Variants in DCBLD2 observed in about 807,000 individuals in gnomAD.
DCBLD2 encodes the protein discoidin, CUB and LCCL domain containing 2.
Under a neutral mutation model 86.8 loss-of-function variants are expected in DCBLD2, and 54 were observed. That is an observed-to-expected ratio of 0.62 (90% CI 0.50 to 0.78). The LOEUF (loss-of-function observed/expected upper bound fraction) is 0.78. Among genes scored for constraint, DCBLD2 ranks in the 30% least tolerant of loss-of-function variants. The pLI, the probability that DCBLD2 is intolerant of heterozygous loss-of-function variation, is 0.00. For missense variants in DCBLD2, 908 were observed against 954.2 expected (o/e 0.95, Z 0.64); for synonymous variants, 354 against 341.3 (o/e 1.04, Z -0.41).
chr3:98,832,238 T>C (rs959905859), intron 3 of DCBLD2, among the ~76,000 whole-genome samples: 2 of 152,246 alleles, frequency 1.3e-5, no homozygotes, highest in Non-Finnish European at 2.9e-5. Context: ...GTCTGTTTTG[T>C]CTGAAATTAG....
At chr3:98,808,944 TAA>T (rs1271832354) in intron 12 of DCBLD2, among the ~76,000 whole-genome samples, 1 of 152,106 alleles carries the variant, frequency 6.6e-6, no homozygotes, top group Non-Finnish European at 1.5e-5. Context: ...TGAGAGGGAA[TAA>T]ATCATGGTAT....
At position 98,797,947 on chromosome 3, in the gene DCBLD2, T is replaced by C. The variant is rs1356526081; in HGVS notation, c.*1425A>G. 6.6e-6 allele frequency: 1 copy of C among 152,208 alleles called. No homozygotes were observed. The highest frequency in any genetic ancestry group is 1.5e-5 in the Non-Finnish European group (1 of 68,038). The allele number at this position is 152,208 out of a possible 1,614,324, so 9.4% of individuals were successfully genotyped here. On this transcript the variant is annotated 3_prime_UTR_variant, in exon 16 of 16. Coordinates refer to ENST00000326840, the MANE Select transcript of DCBLD2 (RefSeq NM_080927.4). Reference sequence around the variant, plus strand: ...ATGTCAAATTTATGTATTTTTATCATATGGTGAGCTGCTCATGTCGTCTTG... The same window carrying C: ...ATGTCAAATTTATGTATTTTTATCACATGGTGAGCTGCTCATGTCGTCTTG...
At chr3:98,873,914 G>GA (rs966713366) in intron 2 of DCBLD2, among the ~76,000 whole-genome samples, 11 of 152,050 alleles carry the variant, frequency 7.2e-5, no homozygotes, top group African/African-American at 2.4e-4. Context: ...ATAACTATTG[G>GA]AAAAACACTG....
chr3:98,836,902 C>T (rs939042239), intron 3 of DCBLD2, among the ~76,000 whole-genome samples: 4 of 77,384 alleles, frequency 5.2e-5, no homozygotes, highest in African/African-American at 5.1e-5. Flanking sequence ...CCGGAGGGGG[C>T]GGCTGGCCGG....
At chr3:98,897,455 GAC>G (rs1943769519) in intron 1 of DCBLD2, among the ~76,000 whole-genome samples, 2 of 152,206 alleles carry the variant, frequency 1.3e-5, no homozygotes, top group South Asian at 4.1e-4. Flanking sequence ...ACAAAGAAAA[GAC>G]AATGGAAATT....
intron 2 of DCBLD2, among the ~76,000 whole-genome samples, chr3:98,858,828 G>A (rs1454335614): frequency 2.0e-5 from 3 of 152,120 alleles, no homozygotes; most frequent in African/African-American, 4.8e-5. Flanking sequence ...TGGGTCCTCC[G>A]TTCCAAGATG....
intron 9 of DCBLD2, among the ~76,000 whole-genome samples, chr3:98,816,843 G>A (rs1446830473): frequency 3.9e-5 from 6 of 152,116 alleles, no homozygotes; most frequent in African/African-American, 1.4e-4. Flanking sequence ...TTGCAGTGGA[G>A]TGATCACAGC....
rs763518499 is a variant in DCBLD2, at chr3:98,811,301, G to A, written c.1469C>T (p.Thr490Met). The A allele has an allele frequency of 1.1e-5, 17 of 1,612,042 alleles. No homozygotes were observed. The highest frequency in any genetic ancestry group is 2.7e-5 in the African/African-American group (2 of 74,762). The change falls in exon 12 of 16, where the codon ACG (threonine) becomes ATG (methionine). Residue 490 changes from threonine (T) to methionine (M), a missense_variant. Physicochemically the swap from Thr to Met is moderately conservative, Grantham distance 81. Transcript: ENST00000326840. ...KIAKGRAPKFTQPLQPRSSNE... is the reference protein window; with the variant it reads ...KIAKGRAPKFMQPLQPRSSNE... ...GCTACTGCGAGGTTGTAGTGGTTGC[G>A]TAAATTTTGGGGCACGACCTTTAAA...
intron 1 of DCBLD2, among the ~76,000 whole-genome samples, chr3:98,898,894 G>C (rs1412520715): frequency 1.3e-5 from 2 of 152,126 alleles, no homozygotes; most frequent in African/African-American, 4.8e-5. Flanking sequence ...GTAAGATCGA[G>C]ATTAGTAATA....
chr3:98,831,150 C>T (rs552628508), intron 3 of DCBLD2, among the ~76,000 whole-genome samples: 2 of 151,212 alleles, frequency 1.3e-5, no homozygotes, highest in Non-Finnish European at 2.9e-5. Context: ...TGGCTCACTG[C>T]AACCTCCGCC....
chr3:98,865,683 G>A (rs978692823), intron 2 of DCBLD2, among the ~76,000 whole-genome samples: 1 of 151,580 alleles, frequency 6.6e-6, no homozygotes, highest in Non-Finnish European at 1.5e-5. Flanking sequence ...AAAACATAAT[G>A]TACAGCATAT....
intron 5 of DCBLD2, 128 bp downstream of exon 5, chr3:98,822,541 A>C (rs1344037385): frequency 9.7e-6 from 12 of 1,234,080 alleles, no homozygotes; most frequent in Non-Finnish European, 1.3e-5. Flanking sequence ...AATAAAACAC[A>C]TATGATTAAA....
Position 98,881,682 on chromosome 3 carries a change from A to C in DCBLD2, c.291T>G (p.Thr97=), listed in dbSNP as rs1943472693. 4 of 1,613,908 alleles carry C rather than the reference A, an allele frequency of 2.5e-6. No individual in the cohort carries two copies. The East Asian group carries it at 8.9e-5, about 36-fold the overall frequency. Residue 97 remains threonine (T), a synonymous_variant, in exon 2 of 16, where the codon ACT becomes ACG. Coordinates refer to ENST00000326840, the MANE Select transcript of DCBLD2 (RefSeq NM_080927.4). Reference sequence around the variant, plus strand: ...TTACACGGATCTCCCATTCACAAACAGTGCTGTTGGGATAGGTCTGTGGGT... The same window carrying C: ...TTACACGGATCTCCCATTCACAAACCGTGCTGTTGGGATAGGTCTGTGGGT... The part of the protein sequence containing the change: ...INYPQTYPNS[T]VCEWEIRVKM...
intron 1 of DCBLD2, among the ~76,000 whole-genome samples, chr3:98,889,911 G>T (rs1943629084): frequency 6.6e-6 from 1 of 151,790 alleles, no homozygotes; most frequent in Admixed American, 6.6e-5. Context: ...AAACACTAAG[G>T]GTAACAACTA....
chr3:98,879,487 C>T (rs1304613121), intron 2 of DCBLD2, among the ~76,000 whole-genome samples: 2 of 151,972 alleles, frequency 1.3e-5, no homozygotes, highest in African/African-American at 4.8e-5. Context: ...CCCGGGTTCA[C>T]GCCATTCTCC....
chr3:98,847,845 T>C (rs940866552), intron 3 of DCBLD2, among the ~76,000 whole-genome samples: 2 of 132,098 alleles, frequency 1.5e-5, no homozygotes, highest in Non-Finnish European at 3.4e-5. Context: ...TTTCTCATCA[T>C]GGTACCCCTA....
chr3:98,883,623 C>T (rs1277279720), intron 1 of DCBLD2, among the ~76,000 whole-genome samples: 1 of 152,184 alleles, frequency 6.6e-6, no homozygotes, highest in Non-Finnish European at 1.5e-5. Context: ...TCAGCAGCTG[C>T]TCCAACTGTA....
At chr3:98,850,429 T>C (rs1052509572) in intron 2 of DCBLD2, among the ~76,000 whole-genome samples, 2 of 152,232 alleles carry the variant, frequency 1.3e-5, no homozygotes, top group Non-Finnish European at 2.9e-5. Flanking sequence ...CTGGGCCGCA[T>C]GTGGCCTGCA....
chr3:98,898,196 G>A (rs1322526613), intron 1 of DCBLD2, among the ~76,000 whole-genome samples: 3 of 151,794 alleles, frequency 2.0e-5, no homozygotes, highest in Non-Finnish European at 4.4e-5. Context: ...AAATACATCT[G>A]TTGTGAAAAG....
Sources: gnomAD v4.1 joint callset for allele counts (sites outside exome capture counted in the v4.1 genomes callset) on GRCh38, gnomAD v4.1.1 for gene constraint, MANE v1.5 for transcripts, NCBI Gene and HGNC (gene_info 2026-07-23, HGNC 2026-07-21) for gene names.